LRRC74A: variants seen among roughly 807,000 people sequenced by gnomAD.
LRRC74A encodes the protein leucine-rich repeat-containing protein 74A.
LRRC74A carries 44 observed loss-of-function variants against 57.9 expected under a neutral mutation model. The ratio of observed to expected loss-of-function variants is 0.76; its 90% confidence interval spans 0.60 to 0.98. LRRC74A has a LOEUF of 0.98. Among genes scored for constraint, LRRC74A ranks in the 50% least tolerant of loss-of-function variants. LRRC74A has a pLI of 0.00. For synonymous variants in LRRC74A, 211 were observed against 219.4 expected (o/e 0.96, Z 0.34); for missense variants, 572 against 574.0 (o/e 1.00, Z 0.04).
chr14:76,835,302 G>A (rs1896245217), intron 3 of LRRC74A, among the ~76,000 whole-genome samples: 1 of 152,016 alleles, frequency 6.6e-6, no homozygotes, highest in Admixed American at 6.6e-5. Flanking sequence ...GGTGAACATG[G>A]TGAAACCTCA....
Position 76,857,438 on chromosome 14 carries a change from G to A in LRRC74A, c.1016G>A (p.Arg339Lys), listed in dbSNP as rs1336892368. The change falls in exon 10 of 14, where the codon AGG becomes AAG. Residue 339 changes from arginine (R) to lysine (K), a missense_variant. Physicochemically the swap from Arg to Lys is conservative, Grantham distance 26. Coordinates refer to ENST00000689127, the MANE Select transcript of LRRC74A (RefSeq NM_001385106.1). ...ATTTTACTTATCCTGGCTATCAAGAGGAACCCCAAATCCAGGATGGAAGAG... is the reference window on the plus strand; with the variant it reads ...ATTTTACTTATCCTGGCTATCAAGAAGAACCCCAAATCCAGGATGGAAGAG... The part of the protein sequence containing the change: ...GAILLILAIK[R>K]NPKSRMEELD... 1.9e-6 allele frequency: 3 copies of A among 1,587,634 alleles called. No individual in the cohort carries two copies. The highest frequency in any genetic ancestry group is 2.3e-5 in the East Asian group (1 of 44,236).
chr14:76,862,929 G>A (rs753476011), intron 11 of LRRC74A, among the ~76,000 whole-genome samples: 1 of 152,174 alleles, frequency 6.6e-6, no homozygotes, highest in African/African-American at 2.4e-5. Flanking sequence ...GGGCCGGTGA[G>A]AGCTGCTGGG....
intron 11 of LRRC74A, among the ~76,000 whole-genome samples, chr14:76,865,234 C>A (rs182785867): frequency 6.6e-6 from 1 of 152,098 alleles, no homozygotes; most frequent in African/African-American, 2.4e-5. Context: ...GTCAGCCCTT[C>A]GTACCTGTGG....
chr14:76,861,651 C>T (rs893493523), intron 11 of LRRC74A, among the ~76,000 whole-genome samples: 1 of 152,194 alleles, frequency 6.6e-6, no homozygotes, highest in Non-Finnish European at 1.5e-5. Flanking sequence ...AGTGGAAATA[C>T]AAAATCAGAG....
chr14:76,826,637 T>C lies in LRRC74A; in HGVS notation c.-61T>C, dbSNP rs767076001. 1.6e-5 allele frequency: 25 copies of C among 1,609,270 alleles called. No homozygotes were observed. In the South Asian group the frequency reaches 2.8e-4, roughly 18 times the overall value. ...GAGGTGAATGGACAGGTGTGCTTCT[T>C]AGGGAAGCAGTCGAGAGGTGGCAAG... On this transcript the variant is annotated 5_prime_UTR_variant, in exon 1 of 14. It removes the in-frame stop codon of an upstream open reading frame in the 5' UTR. Coordinates refer to ENST00000689127, the MANE Select transcript of LRRC74A (RefSeq NM_001385106.1).
rs773028207 is a variant in LRRC74A at position 76,837,907 on chromosome 14, G to C, written c.480G>C (p.Gly160=). Reference sequence around the variant, plus strand: ...CCAACAATCACCTTGGTTTGGAGGGGGCCAGAATCATCTCAGATTTCTTTG... The same window carrying C: ...CCAACAATCACCTTGGTTTGGAGGGCGCCAGAATCATCTCAGATTTCTTTG... ...NISNNHLGLE[G]ARIISDFFER... is the part of the protein sequence containing the mutation. The change falls in exon 5 of 14, where the codon GGG becomes GGC. Residue 160 remains glycine, a synonymous_variant. Transcript: ENST00000689127. The C allele has an allele frequency of 6.3e-7, 1 of 1,592,592 alleles. No homozygotes were observed. The highest frequency in any genetic ancestry group is 8.6e-7 in the Non-Finnish European group (1 of 1,168,302).
intron 12 of LRRC74A, 93 bp from the exon 13 acceptor site, chr14:76,867,259 GGTGT>G (rs1205836479): frequency 3.4e-5 from 14 of 409,098 alleles, no homozygotes; most frequent in African/African-American, 2.6e-4. Context: ...GGGGGGGTGG[GGTGT>G]GTGTGTTGGG....
At chr14:76,830,150 T>TC (rs1895872780) in intron 2 of LRRC74A, among the ~76,000 whole-genome samples, 3 of 152,224 alleles carry the variant, frequency 2.0e-5, no homozygotes, top group African/African-American at 7.2e-5. Flanking sequence ...AAGAGAAGTC[T>TC]AATTTGTAGT....
intron 9 of LRRC74A, 35 bp downstream of exon 9, chr14:76,853,445 G>GTGTGTGTGTGTGTGTA: frequency 6.9e-7 from 1 of 1,450,038 alleles, no homozygotes; most frequent in Non-Finnish European, 9.4e-7. Context: ...GTGTGTGTGT[G>GTGTGTGTGTGTGTGTA]TGTGTGTGTG....
At chr14:76,864,076 A>G (rs534774565) in intron 11 of LRRC74A, among the ~76,000 whole-genome samples, 1 of 152,224 alleles carries the variant, frequency 6.6e-6, no homozygotes, top group Non-Finnish European at 1.5e-5. Flanking sequence ...CCTGCTGTGA[A>G]GAAACAGCAG....
intron 7 of LRRC74A, among the ~76,000 whole-genome samples, chr14:76,851,918 C>T (rs1897526658): frequency 6.6e-6 from 1 of 152,068 alleles, no homozygotes. Flanking sequence ...CCCATGTCAG[C>T]CTCCCAAAGT....
intron 7 of LRRC74A, among the ~76,000 whole-genome samples, chr14:76,850,233 T>C (rs1897361725): frequency 1.3e-5 from 2 of 152,020 alleles, no homozygotes; most frequent in Admixed American, 6.6e-5. Context: ...AACAACTCTA[T>C]ACAGGTTGAT....
intron 7 of LRRC74A, among the ~76,000 whole-genome samples, chr14:76,850,473 G>C (rs145568451): frequency 6.6e-5 from 10 of 152,178 alleles, no homozygotes; most frequent in African/African-American, 2.2e-4. Flanking sequence ...GAGAAAGTTT[G>C]TTCCCAAAAT....
chr14:76,853,137 G>C, intron 8 of LRRC74A, 79 bp from the exon 9 acceptor site: 1 of 1,354,262 alleles, frequency 7.4e-7, no homozygotes, highest in South Asian at 1.3e-5. Context: ...TGCCAACAGG[G>C]GGTAGAAATC....
intron 10 of LRRC74A, among the ~76,000 whole-genome samples, chr14:76,857,789 A>G (rs181056656): frequency 6.6e-6 from 1 of 152,364 alleles, no homozygotes; most frequent in East Asian, 1.9e-4. Context: ...AGAATTCTTT[A>G]ACATCAGCTT....
At chr14:76,860,365 C>T (rs1188603066) in intron 10 of LRRC74A, among the ~76,000 whole-genome samples, 4 of 152,148 alleles carry the variant, frequency 2.6e-5, no homozygotes, top group Non-Finnish European at 2.9e-5. Flanking sequence ...CATTTCAGGG[C>T]TTTGTTTAAG....
intron 7 of LRRC74A, among the ~76,000 whole-genome samples, chr14:76,845,217 G>A (rs1350220506): frequency 2.6e-5 from 4 of 151,998 alleles, no homozygotes; most frequent in African/African-American, 7.3e-5. Flanking sequence ...CCAGCTACTC[G>A]GAAGGCTGAG....
intron 5 of LRRC74A, 34 bp downstream of exon 5, chr14:76,838,005 G>T (rs778444553): frequency 1.5e-6 from 2 of 1,316,760 alleles, no homozygotes; most frequent in Middle Eastern, 1.8e-4. Context: ...GAAGACACTG[G>T]GAATCAGAGG....
At chr14:76,867,595 C>A (rs370133182) in intron 13 of LRRC74A, among the ~76,000 whole-genome samples, 157 bp downstream of exon 13, 1 of 152,138 alleles carries the variant, frequency 6.6e-6, no homozygotes, top group Non-Finnish European at 1.5e-5. Context: ...TGTCTACCCC[C>A]CTTCTCATCC....
Sources: allele counts gnomAD v4.1 joint callset (sites outside exome capture counted in the v4.1 genomes callset), GRCh38; gene constraint gnomAD v4.1.1; transcripts MANE v1.5; gene names NCBI Gene and HGNC (gene_info 2026-07-23, HGNC 2026-07-21).